GON4L: variants seen among roughly 807,000 people sequenced by gnomAD.
GON4L encodes GON-4-like protein.
A neutral mutation model predicts 211.8 loss-of-function variants in GON4L; 87 were observed. That is an observed-to-expected ratio of 0.41 (90% CI 0.35 to 0.49). GON4L has a LOEUF of 0.49. Ranked by LOEUF, GON4L falls within the 20% of genes least tolerant of loss-of-function variation. GON4L has a pLI of 0.15. For synonymous variants in GON4L, 875 were observed against 962.6 expected (o/e 0.91, Z 1.68); for missense variants, 2,155 against 2,659.5 (o/e 0.81, Z 4.17).
intron 2 of GON4L, among the ~76,000 whole-genome samples, chr1:155,835,260 T>C (rs909363873): frequency 6.6e-6 from 1 of 152,146 alleles, no homozygotes; most frequent in Admixed American, 6.6e-5. Context: ...AAACAGATGC[T>C]TGAAGGCAGC....
At position 155,777,661 on chromosome 1, in the gene GON4L, G is replaced by A; in HGVS notation, c.2052C>T (p.Asp684=). The part of the protein sequence containing the change: ...SEKVHQTLIL[D]PAQRKRLQQQ... ...GCTGGAGTCTCTTCCTCTGTGCTGGGTCCAGAATCAGAGTCTGATGAACTT... is the reference window on the plus strand; with the variant it reads ...GCTGGAGTCTCTTCCTCTGTGCTGGATCCAGAATCAGAGTCTGATGAACTT... The change falls in exon 15 of 32, where the codon GAC becomes GAT. Residue 684 remains aspartate, a synonymous_variant. Transcript: ENST00000368331. 1.2e-6 allele frequency: 2 copies of A among 1,613,768 alleles called. No individual in the cohort carries two copies. Among genetic ancestry groups the A allele is most frequent in the Non-Finnish European group, 1.7e-6 (2 of 1,179,736 alleles).
In GON4L at chr1:155,750,348, C is replaced by G. The variant is rs1660447046; in HGVS notation, c.*236G>C. 9.2e-6 allele frequency: 6 copies of G among 650,310 alleles called. No individual in the cohort carries two copies. The highest frequency in any genetic ancestry group is 1.6e-5 in the Non-Finnish European group (6 of 372,486). The allele number at this position is 650,310 out of a possible 1,614,324, so 40.3% of individuals were successfully genotyped here. A position where few individuals can be genotyped will look rare whatever the true frequency, so the allele number is the denominator to read the frequency against. On this transcript the variant is annotated 3_prime_UTR_variant, in exon 32 of 32. Transcript: ENST00000368331. ...GTAGAGAAAGGAGCTGAACTCCACT[C>G]TCGATGCTATTTACAGAGGACATCT... is the stretch of plus-strand genomic sequence containing the variant.
At chr1:155,822,591 C>T (rs756550028) in intron 3 of GON4L, 115 bp from the exon 4 acceptor site, 149 of 781,892 alleles carry the variant, frequency 1.9e-4, no homozygotes, top group Middle Eastern at 1.8e-3. Context: ...GTGAAAGAAA[C>T]CAGATGTAAA....
intron 6 of GON4L, among the ~76,000 whole-genome samples, chr1:155,817,907 A>G (rs1668386979): frequency 1.3e-5 from 2 of 150,986 alleles, no homozygotes; most frequent in Non-Finnish European, 3.0e-5. Flanking sequence ...TAGCCTGAGC[A>G]ACAGAGCAAG....
intron 2 of GON4L, chr1:155,832,958 G>T (rs1287859111): frequency 4.7e-5 from 6 of 126,870 alleles, no homozygotes; most frequent in Non-Finnish European, 8.0e-5. Flanking sequence ...TATCTGATTG[G>T]CAAAAAAAAA....
intron 2 of GON4L, among the ~76,000 whole-genome samples, chr1:155,828,300 C>T (rs564834068): frequency 5.9e-5 from 9 of 151,806 alleles, no homozygotes; most frequent in Non-Finnish European, 8.8e-5. Context: ...ACCAGCCTGG[C>T]CAACATGATG....
At chr1:155,755,592 C>T (rs558207719) in intron 27 of GON4L, among the ~76,000 whole-genome samples, 2 of 152,204 alleles carry the variant, frequency 1.3e-5, no homozygotes, top group Admixed American at 6.5e-5. Flanking sequence ...ATTATGAATC[C>T]CTGAAACAAT....
chr1:155,821,528 G>T lies in GON4L; in HGVS notation c.909C>A (p.His303Gln). The stretch of plus-strand genomic sequence containing the variant: ...TGGCTGCTTTCATCATAGCTACCAC[G>T]TGTTCATTTGTGATTACTTCCTGGA... Reference protein sequence around the residue: ...NILHEVITNEHVVAMMKAAIS... With the variant: ...NILHEVITNEQVVAMMKAAIS... The change falls in exon 5 of 32, where the codon CAC becomes CAA. Residue 303 changes from histidine to glutamine, a missense_variant. By Grantham distance (24) the His-to-Gln change is conservative. Transcript: ENST00000368331. The T allele has an allele frequency of 1.2e-6, 2 of 1,602,398 alleles. No individual in the cohort carries two copies. The highest frequency in any genetic ancestry group is 1.7e-6 in the Non-Finnish European group (2 of 1,169,704).
At chr1:155,755,502 C>T (rs547922817) in intron 27 of GON4L, among the ~76,000 whole-genome samples, 14 of 152,250 alleles carry the variant, frequency 9.2e-5, no homozygotes, top group South Asian at 2.1e-4. Flanking sequence ...TGAGCCACCA[C>T]GCCCGGACCC....
intron 14 of GON4L, among the ~76,000 whole-genome samples, chr1:155,780,284 T>C (rs1195752047): frequency 6.6e-6 from 1 of 152,100 alleles, no homozygotes; most frequent in African/African-American, 2.4e-5. Context: ...CCAGTCAGAA[T>C]GACAATTATT....
chr1:155,786,518 A>C (rs1664957123), intron 12 of GON4L, among the ~76,000 whole-genome samples: 1 of 152,036 alleles, frequency 6.6e-6, no homozygotes. Context: ...GCGACAGAGC[A>C]AGATATTGTC....
chr1:155,848,871 G>A (rs1235697752), intron 2 of GON4L, among the ~76,000 whole-genome samples: 1 of 152,228 alleles, frequency 6.6e-6, no homozygotes, highest in East Asian at 1.9e-4. Context: ...TTGTAGGTCG[G>A]GCGCGGTGGC....
At position 155,775,226 on chromosome 1, in the gene GON4L, C is replaced by A. The variant is rs571748686; in HGVS notation, c.2179-53G>T. On this transcript the variant is annotated intron_variant, in intron 16 of 31. Transcript: ENST00000368331. The stretch of plus-strand genomic sequence containing the variant: ...TAAGACAATTCCAGACAATTAATAC[C>A]AGTAGCCTTCAGAATCTAAATGAGA... 31 of 1,610,484 alleles carry A rather than the reference C, an allele frequency of 1.9e-5. No homozygotes were observed. The African/African-American group carries it at 3.9e-4, about 20-fold the overall frequency.
chr1:155,797,855 GAAA>G (rs113490241), intron 11 of GON4L, among the ~76,000 whole-genome samples: 1 of 104,762 alleles, frequency 9.5e-6, no homozygotes, highest in Non-Finnish European at 2.0e-5. Flanking sequence ...CATCTAACAA[GAAA>G]AAAAAAAAAA....
intron 10 of GON4L, among the ~76,000 whole-genome samples, chr1:155,807,163 G>A (rs1667210786): frequency 6.6e-6 from 1 of 151,332 alleles, no homozygotes; most frequent in South Asian, 2.1e-4. Context: ...CACCTTGATA[G>A]GCTGTGGTGA....
chr1:155,800,871 A>AG (rs970179795), intron 11 of GON4L, among the ~76,000 whole-genome samples: 3 of 149,930 alleles, frequency 2.0e-5, no homozygotes, highest in Admixed American at 6.6e-5. Flanking sequence ...AAAAAAAAAA[A>AG]GGTTTAACTT....
downstream of GON4L, chr1:155,749,372 T>TA (rs2101585481): frequency 6.2e-7 from 1 of 1,609,496 alleles, no homozygotes; most frequent in East Asian, 2.2e-5. Flanking sequence ...TTCATGCATG[T>TA]ACCACTGGGG....
rs1221527239 is a variant in GON4L at position 155,785,322 on chromosome 1, A to T, written c.1788+12T>A. 7 of 1,545,460 alleles carry T rather than the reference A, an allele frequency of 4.5e-6. No homozygotes were observed. The highest frequency in any genetic ancestry group is 6.3e-6 in the Non-Finnish European group (7 of 1,117,270). ...TAAAATCCCGTGTTCTCACTCGAGG[A>T]TCATTACTCACAGTTTCAAACAGCT... On this transcript the variant is annotated intron_variant, in intron 13 of 31. Coordinates refer to ENST00000368331, the MANE Select transcript of GON4L (RefSeq NM_001282860.2).
chr1:155,820,786 G>T, intron 5 of GON4L, 130 bp from the exon 6 acceptor site: 4 of 712,024 alleles, frequency 5.6e-6, no homozygotes, highest in Non-Finnish European at 7.5e-6. Flanking sequence ...TTTGAGACCA[G>T]CCTGAGCAAC....
Sources: allele counts gnomAD v4.1 joint callset (sites outside exome capture counted in the v4.1 genomes callset), GRCh38; gene constraint gnomAD v4.1.1; transcripts MANE v1.5; gene names NCBI Gene and HGNC (gene_info 2026-07-23, HGNC 2026-07-21).